The following CYFIP1 variants were observed in gnomAD, a reference collection of about 807,000 sequenced individuals.
CYFIP1 encodes the protein cytoplasmic FMR1 interacting protein 1, also known as cytoplasmic FMR1-interacting protein 1.
CYFIP1 carries 58 observed loss-of-function variants against 163.5 expected under a neutral mutation model. That is an observed-to-expected ratio of 0.35 (90% confidence interval 0.29 to 0.44). The LOEUF (loss-of-function observed/expected upper bound fraction) is 0.44. Among genes scored for constraint, CYFIP1 ranks in the 20% least tolerant of loss-of-function variants. The pLI, the probability that CYFIP1 is intolerant of heterozygous loss-of-function variation, is 1.00. For synonymous variants in CYFIP1, 663 were observed against 660.7 expected, an observed-to-expected ratio of 1.00 and a Z score of -0.05; for missense variants, 1,338 against 1,653.8, an observed-to-expected ratio of 0.81 and a Z score of 3.31.
chr15:22,914,879 G>A lies in CYFIP1; in HGVS notation c.1832C>T (p.Thr611Met), dbSNP rs765050909. 1.0e-5 allele frequency: 16 copies of A among 1,603,486 alleles called. No homozygotes were observed. Among genetic ancestry groups the A allele is most frequent in the East Asian group, 4.5e-5 (2 of 44,602 alleles). Residue 611 changes from threonine to methionine, a missense_variant, in exon 17 of 31, where the codon ACG (threonine) becomes ATG (methionine). Thr to Met is a moderately conservative substitution (Grantham distance 81). Transcript: ENST00000617928. ...FYTHLINFSE[T>M]LQQCCDLSQL... ...CGAAAGGTCACAGCACTGCTGCAGC[G>A]TTTCTGGGAGGGTTCAAACAACTCC...
At position 22,870,007 on chromosome 15, in the gene CYFIP1, T is replaced by C; in HGVS notation, c.*21A>G. On this transcript the variant is annotated 3_prime_UTR_variant, in exon 31 of 31. Transcript: ENST00000617928. ...GAGAGAAAGGCATGCCATGTTGAGT[T>C]ACGGAGTGCAGCGCGTGCCCTCAGC... 1 of 1,558,758 alleles carries C rather than the reference T, an allele frequency of 6.4e-7. No individual in the cohort carries two copies.
chr15:22,939,528 C>A, intron 6 of CYFIP1, 21 bp from the exon 7 acceptor site: 20 of 976,938 alleles, frequency 2.0e-5, no homozygotes, highest in Non-Finnish European at 3.0e-5. Flanking sequence ...AAAAAGAATT[C>A]ATCCCAAAAT....
intron 22 of CYFIP1, among the ~76,000 whole-genome samples, chr15:22,893,193 G>A (rs2060126381): frequency 1.3e-5 from 2 of 152,174 alleles, no homozygotes; most frequent in African/African-American, 4.8e-5. Context: ...GGCCACAGCA[G>A]GAACACCCGG....
intron 16 of CYFIP1, among the ~76,000 whole-genome samples, chr15:22,915,881 C>T (rs1273197051): frequency 6.6e-6 from 1 of 152,186 alleles, no homozygotes; most frequent in Admixed American, 6.5e-5. Flanking sequence ...TAAAAGAGCC[C>T]ACACTCGAAC....
rs530002037 is a variant in CYFIP1 at position 22,927,094 on chromosome 15, T to G, written c.1233+812A>C. ...GCTCACGCCTGTAATCCCAGCACTT[T>G]GGAAGGCCCAGGCAGGCAGATGGCT... is the stretch of plus-strand genomic sequence containing the variant. On this transcript the variant is annotated intron_variant, in intron 12 of 30. Coordinates refer to ENST00000617928, the MANE Select transcript of CYFIP1 (RefSeq NM_014608.6). 1.2e-4 allele frequency among the ~76,000 whole-genome samples: 19 copies of G among 152,238 alleles called. No homozygotes were observed. In the South Asian group the frequency reaches 3.9e-3, roughly 32 times the overall value.
At position 22,903,725 on chromosome 15, in the gene CYFIP1, A is replaced by G; in HGVS notation, c.2569T>C (p.Tyr857His). 1 of 1,613,780 alleles carries G rather than the reference A, an allele frequency of 6.2e-7. No homozygotes were observed. Among genetic ancestry groups the G allele is most frequent in the Non-Finnish European group, 8.5e-7 (1 of 1,180,030 alleles). Residue 857 changes from tyrosine to histidine, a missense_variant, in exon 22 of 31, where the codon TAC (tyrosine) becomes CAC (histidine). By Grantham distance (83) the Tyr-to-His change is moderately conservative. This residue lies in a region of CYFIP1 where 824 missense variants were observed against 995.7 expected (regional missense o/e 0.83). Transcript: ENST00000617928. ...LNYDFLPNYCYNGSTNRFVRT... is the reference protein window; with the variant it reads ...LNYDFLPNYCHNGSTNRFVRT... ...GCTCACCGGTTGGTAGAGCCGTTGTAGCAGTAGTTGGGCAGGAAGTCATAG... is the reference window on the plus strand; with the variant it reads ...GCTCACCGGTTGGTAGAGCCGTTGTGGCAGTAGTTGGGCAGGAAGTCATAG...
intron 9 of CYFIP1, 47 bp downstream of exon 9, chr15:22,937,057 G>A: frequency 3.0e-6 from 4 of 1,335,642 alleles, no homozygotes; most frequent in Non-Finnish European, 4.3e-6. Flanking sequence ...AAAATTCAAA[G>A]TGCACACAAA....
In CYFIP1 at chr15:22,947,286, C is replaced by G. The variant is rs139395765; in HGVS notation, c.-1G>C. ...CCTCCAGAGTCACCTGGGCCGCCATCCTGGGCTGGAACAACACATAAGGAC... is the reference window on the plus strand; with the variant it reads ...CCTCCAGAGTCACCTGGGCCGCCATGCTGGGCTGGAACAACACATAAGGAC... On this transcript the variant is annotated 5_prime_UTR_variant, in exon 2 of 31. Coordinates refer to ENST00000617928, the MANE Select transcript of CYFIP1 (RefSeq NM_014608.6). 9.1e-3 allele frequency: 14,654 copies of G among 1,613,606 alleles called. 109 individuals carry two copies. Among genetic ancestry groups the G allele is most frequent in the Non-Finnish European group, 0.011 (12,766 of 1,179,772 alleles).
intron 6 of CYFIP1, 89 bp from the exon 7 acceptor site, chr15:22,939,596 G>T: frequency 2.1e-6 from 2 of 970,518 alleles, no homozygotes; most frequent in South Asian, 1.7e-5. Flanking sequence ...GGTTCGAGTG[G>T]GATCCCTTTC....
At chr15:22,892,703 G>T (rs908189752) in intron 23 of CYFIP1, among the ~76,000 whole-genome samples, 187 bp downstream of exon 23, 4 of 152,172 alleles carry the variant, frequency 2.6e-5, no homozygotes, top group African/African-American at 9.7e-5. Context: ...TTTTGGGTTG[G>T]TTGGCTAGTT....
At chr15:22,969,933 G>C (rs1262097143) in intron 1 of CYFIP1, among the ~76,000 whole-genome samples, 1 of 152,146 alleles carries the variant, frequency 6.6e-6, no homozygotes, top group Non-Finnish European at 1.5e-5. Context: ...TAAAAAGGTA[G>C]TCCCTCTGTG....
chr15:22,914,699 C>T (rs1455469787), intron 17 of CYFIP1, 27 bp downstream of exon 17: 3 of 1,591,632 alleles, frequency 1.9e-6, no homozygotes, highest in East Asian at 4.5e-5. Context: ...CACACAAAGG[C>T]TGGAGACAGG....
At chr15:22,894,329 G>A (rs555445730) in intron 22 of CYFIP1, among the ~76,000 whole-genome samples, 14 of 117,084 alleles carry the variant, frequency 1.2e-4, no homozygotes, top group African/African-American at 4.0e-4. Context: ...TGCTCTTGAT[G>A]CCCAGGCTGG....
chr15:22,969,083 T>C (rs938729007), intron 1 of CYFIP1, among the ~76,000 whole-genome samples: 4 of 152,142 alleles, frequency 2.6e-5, no homozygotes, highest in African/African-American at 7.2e-5. Context: ...ATTTTGGCTA[T>C]GGAATCAGGT....
chr15:22,952,286 C>T (rs746394631), intron 1 of CYFIP1, among the ~76,000 whole-genome samples: 17 of 151,960 alleles, frequency 1.1e-4, no homozygotes, highest in East Asian at 1.9e-4. Context: ...AAAGATGAAA[C>T]GCTCTAGCTG....
chr15:22,900,999 T>C (rs2060377434), intron 22 of CYFIP1, among the ~76,000 whole-genome samples: 1 of 151,756 alleles, frequency 6.6e-6, no homozygotes, highest in Admixed American at 6.6e-5. Context: ...GGTCAGGAGT[T>C]TGAGATCAGC....
At position 22,980,043 on chromosome 15, in the gene CYFIP1, G is replaced by A. The variant is rs913139650; in HGVS notation, c.-7+244C>T. 1.5e-3 allele frequency among the ~76,000 whole-genome samples: 225 copies of A among 152,076 alleles called. 4 individuals carry two copies. The highest frequency in any genetic ancestry group is 3.4e-4 in the Non-Finnish European group (23 of 67,934). On this transcript the variant is annotated intron_variant, in intron 1 of 30. Coordinates refer to ENST00000617928, the MANE Select transcript of CYFIP1 (RefSeq NM_014608.6). ...AGGCCGGGGGCGCAGGGACCGGGAA[G>A]CCAGTGCAGGGAGTGCGGGGACCTG...
At chr15:22,894,878 T>TATA (rs765803966) in intron 22 of CYFIP1, among the ~76,000 whole-genome samples, 1,452 of 110,044 alleles carry the variant, frequency 0.013, 9 homozygotes, top group Non-Finnish European at 0.017. Context: ...TATATATATA[T>TATA]TTTTTTTTTT....
chr15:22,929,891 G>A lies in CYFIP1; in HGVS notation c.1111-1863C>T, dbSNP rs1470152670. On this transcript the variant is annotated intron_variant, in intron 11 of 30. Transcript: ENST00000617928. ...GCGGAGCTTGCAGTGAGCCGAGATC[G>A]CGCCACTGCACTCCAGCCTGGGCAA... is the stretch of plus-strand genomic sequence containing the variant. Among the ~76,000 whole-genome samples, 15 of 141,318 alleles carry A rather than the reference G, an allele frequency of 1.1e-4. No individual in the cohort carries two copies. The East Asian group carries it at 3.1e-3, about 29-fold the overall frequency. The allele number at this position is 141,318 out of a possible 152,430, so 92.7% of individuals were successfully genotyped here. A position where few individuals can be genotyped will look rare whatever the true frequency, so the allele number is the denominator to read the frequency against.
Sources: gnomAD v4.1 joint callset for allele counts (sites outside exome capture counted in the v4.1 genomes callset) on GRCh38, gnomAD v4.1.1 for gene constraint, gnomAD v4.1.1 regional missense constraint, MANE v1.5 for transcripts, NCBI Gene and HGNC (gene_info 2026-07-23, HGNC 2026-07-21) for gene names.